The following SAXO1 variants were observed in gnomAD, a reference collection of about 807,000 sequenced individuals.
The protein encoded by SAXO1 is stabilizer of axonemal microtubules 1.
A neutral mutation model predicts 17.5 loss-of-function variants in SAXO1; 21 were observed. The ratio of observed to expected loss-of-function variants is 1.20; its 90% CI spans 0.85 to 1.72. The LOEUF is 1.72. SAXO1 is among the 40% of genes most tolerant of loss of function. The pLI is 0.00. For missense variants in SAXO1, 843 were observed against 596.0 expected, an observed-to-expected ratio of 1.41 and a Z score of -4.32; for synonymous variants, 274 against 216.5, an observed-to-expected ratio of 1.27 and a Z score of -2.33.
intron 1 of SAXO1, among the ~76,000 whole-genome samples, chr9:18,975,002 C>G (rs1228785143): frequency 1.3e-5 from 2 of 152,146 alleles, no homozygotes; most frequent in Admixed American, 6.5e-5. Context: ...ACCATATGAT[C>G]AAGGTTAGCA....
intron 3 of SAXO1, among the ~76,000 whole-genome samples, chr9:18,939,643 G>A (rs1831462853): frequency 6.6e-6 from 1 of 152,180 alleles, no homozygotes; most frequent in South Asian, 2.1e-4. Context: ...TGTAGGAAGG[G>A]ACCTGAAAGA....
chr9:18,962,028 G>A (rs894956041), intron 1 of SAXO1, among the ~76,000 whole-genome samples: 2 of 152,118 alleles, frequency 1.3e-5, no homozygotes, highest in African/African-American at 2.4e-5. Flanking sequence ...TCTGACTGGT[G>A]TGAGATGGTA....
intron 1 of SAXO1, among the ~76,000 whole-genome samples, chr9:19,014,138 A>C (rs116631719): frequency 1.9e-3 from 296 of 152,216 alleles, no homozygotes; most frequent in African/African-American, 6.9e-3. Flanking sequence ...TTTGTTCTGT[A>C]ATCAATGGAG....
intron 1 of SAXO1, among the ~76,000 whole-genome samples, chr9:19,014,496 A>T (rs1454313989): frequency 6.7e-6 from 1 of 149,988 alleles, no homozygotes; most frequent in Non-Finnish European, 1.5e-5. Flanking sequence ...ATTAAATTTT[A>T]AAAATTTAAA....
chr9:18,979,820 A>T (rs77941416), intron 1 of SAXO1, among the ~76,000 whole-genome samples: 2,702 of 152,320 alleles, frequency 0.018, 79 homozygotes, highest in African/African-American at 0.06. Context: ...CAGCCTGGGC[A>T]AAAGAGAAAG....
At chr9:18,955,064 G>A (rs1832202233) in intron 1 of SAXO1, among the ~76,000 whole-genome samples, 1 of 152,128 alleles carries the variant, frequency 6.6e-6, no homozygotes, top group Non-Finnish European at 1.5e-5. Flanking sequence ...AGGCATAGTG[G>A]CACCTGCCTA....
chr9:19,043,603 C>T (rs1270056219), intron 1 of SAXO1, among the ~76,000 whole-genome samples: 5 of 151,736 alleles, frequency 3.3e-5, no homozygotes, highest in African/African-American at 1.2e-4. Flanking sequence ...CCTGTCTCTA[C>T]AAAAAATACA....
chr9:18,979,842 C>CT (rs1833298654), intron 1 of SAXO1, among the ~76,000 whole-genome samples: 1 of 152,022 alleles, frequency 6.6e-6, no homozygotes, highest in South Asian at 2.1e-4. Context: ...CCTCATTTTT[C>CT]TTTTTTTAAA....
intron 1 of SAXO1, among the ~76,000 whole-genome samples, chr9:18,978,156 C>A (rs1833228459): frequency 6.6e-6 from 1 of 152,120 alleles, no homozygotes; most frequent in Non-Finnish European, 1.5e-5. Context: ...ACCAGCTCTC[C>A]AATTGACCAA....
intron 1 of SAXO1, among the ~76,000 whole-genome samples, chr9:19,024,463 G>C (rs1835389776): frequency 6.6e-6 from 1 of 152,038 alleles, no homozygotes; most frequent in African/African-American, 2.4e-5. Context: ...GAGGGGGGGA[G>C]GGATAGCATT....
At chr9:19,042,637 C>T (rs543445727) in intron 1 of SAXO1, among the ~76,000 whole-genome samples, 30 of 150,212 alleles carry the variant, frequency 2.0e-4, no homozygotes, top group East Asian at 6.0e-4. Context: ...CCAAGGCAGG[C>T]GGATCACCAG....
chr9:19,024,229 C>A (rs988582881), intron 1 of SAXO1, among the ~76,000 whole-genome samples: 2 of 151,898 alleles, frequency 1.3e-5, no homozygotes, highest in Admixed American at 1.3e-4. Flanking sequence ...GTCTCTCTGA[C>A]TGCCCTGCCC....
At chr9:19,048,460 AG>A (rs68179720) in intron 1 of SAXO1, among the ~76,000 whole-genome samples, 16,026 of 151,316 alleles carry the variant, frequency 0.11, 860 homozygotes, top group Non-Finnish European at 0.12. Flanking sequence ...CCGTCTCAAA[AG>A]AAAAAAAAAG....
chr9:18,967,656 G>T (rs111886878), intron 1 of SAXO1, among the ~76,000 whole-genome samples: 65 of 152,284 alleles, frequency 4.3e-4, no homozygotes, highest in African/African-American at 1.6e-3. Context: ...AGAATTTCAA[G>T]CCAGCGGATC....
At chr9:18,991,508 T>C (rs1422624732) in intron 1 of SAXO1, among the ~76,000 whole-genome samples, 2 of 152,038 alleles carry the variant, frequency 1.3e-5, no homozygotes, top group South Asian at 2.1e-4. Flanking sequence ...TAGGTGGGAA[T>C]TGAACAATGA....
intron 3 of SAXO1, among the ~76,000 whole-genome samples, chr9:18,931,654 T>G (rs1831055591): frequency 6.6e-6 from 1 of 152,236 alleles, no homozygotes; most frequent in Non-Finnish European, 1.5e-5. Context: ...ATAAACATTC[T>G]CATTTCTCCA....
In SAXO1 at chr9:18,941,846, G is replaced by C; in HGVS notation, c.219-7C>G. 6.2e-7 allele frequency: 1 copy of C among 1,614,090 alleles called. No individual in the cohort carries two copies. Among genetic ancestry groups the C allele is most frequent in the South Asian group, 1.1e-5 (1 of 91,078 alleles). On this transcript the variant is annotated splice_region_variant and splice_polypyrimidine_tract_variant and intron_variant, in intron 2 of 3. Coordinates refer to ENST00000380534, the MANE Select transcript of SAXO1 (RefSeq NM_153707.4). ...GTGAGGCCCAAAATCTCTCCTGTAA[G>C]GAAGCAAGTGCATGCTGTTGGGGTC...
At chr9:18,969,390 T>A (rs1426589071) in intron 1 of SAXO1, among the ~76,000 whole-genome samples, 1 of 152,170 alleles carries the variant, frequency 6.6e-6, no homozygotes, top group Admixed American at 6.5e-5. Flanking sequence ...CCCTGTGAAT[T>A]TCGGATGAAA....
intron 1 of SAXO1, among the ~76,000 whole-genome samples, chr9:19,016,737 A>G (rs1424013807): frequency 6.6e-6 from 1 of 152,028 alleles, no homozygotes; most frequent in Non-Finnish European, 1.5e-5. Context: ...ATGAATACAG[A>G]AATGTAAACA....
Sources: allele counts gnomAD v4.1 joint callset (sites outside exome capture counted in the v4.1 genomes callset), GRCh38; gene constraint gnomAD v4.1.1; transcripts MANE v1.5; gene names NCBI Gene and HGNC (gene_info 2026-07-23, HGNC 2026-07-21).